EHMT1: variants seen among roughly 807,000 people sequenced by gnomAD.
EHMT1 encodes the protein histone-lysine N-methyltransferase EHMT1.
A neutral mutation model predicts 147.2 loss-of-function variants in EHMT1; 15 were observed. The ratio of observed to expected loss-of-function variants is 0.10; its 90% CI spans 0.07 to 0.16. EHMT1 has a LOEUF of 0.16. Ranked by LOEUF, EHMT1 falls within the 10% of genes least tolerant of loss-of-function variation. The pLI is 1.00. For synonymous variants in EHMT1, 795 were observed against 709.6 expected, an observed-to-expected ratio of 1.12 and a Z score of -1.91; for missense variants, 1,587 against 1,772.4, an observed-to-expected ratio of 0.90 and a Z score of 1.88.
Position 137,732,332 on chromosome 9 carries a change from C to T in EHMT1, c.823+3803C>T, listed in dbSNP as rs1435794740. Among the ~76,000 whole-genome samples, 3 of 152,258 alleles carry T rather than the reference C, an allele frequency of 2.0e-5. No homozygotes were observed. The highest frequency in any genetic ancestry group is 4.4e-5 in the Non-Finnish European group (3 of 68,048). ...TGAACCGGCCAGGAACATGTTACAG[C>T]CCTTTTTGCACCCGCTGTTGCGTGG... On this transcript the variant is annotated intron_variant, in intron 4 of 26. Coordinates refer to ENST00000460843, the MANE Select transcript of EHMT1 (RefSeq NM_024757.5). This position sits in a 1 kb window ranked among gnomAD's most constrained non-coding sequence, Gnocchi z 4.6.
chr9:137,825,122 G>A (rs543713505), intron 25 of EHMT1, among the ~76,000 whole-genome samples: 4 of 152,162 alleles, frequency 2.6e-5, no homozygotes, highest in Non-Finnish European at 4.4e-5. Context: ...GCTGGCAACC[G>A]GGGGTGCTCT....
At chr9:137,636,896 CTT>C (rs35700929) in intron 1 of EHMT1, among the ~76,000 whole-genome samples, 27 of 120,924 alleles carry the variant, frequency 2.2e-4, no homozygotes, top group African/African-American at 3.4e-4. Flanking sequence ...CAGTTTCACT[CTT>C]TTTTTTTTTT....
At chr9:137,630,524 A>G (rs1430554947) in intron 1 of EHMT1, among the ~76,000 whole-genome samples, 1 of 152,198 alleles carries the variant, frequency 6.6e-6, no homozygotes, top group Non-Finnish European at 1.5e-5. Flanking sequence ...AACAAAAATT[A>G]GGCATTTTAG....
At chr9:137,671,531 T>TC (rs1287751345) in intron 1 of EHMT1, among the ~76,000 whole-genome samples, 1 of 148,744 alleles carries the variant, frequency 6.7e-6, no homozygotes, top group Admixed American at 6.7e-5. Context: ...TTTTTTTTTT[T>TC]TTTTTTTTTT....
chr9:137,635,149 C>T (rs1041587429), intron 1 of EHMT1, among the ~76,000 whole-genome samples: 1 of 151,848 alleles, frequency 6.6e-6, no homozygotes, highest in African/African-American at 2.4e-5. Context: ...AATAGCAAGT[C>T]TTCCAATTGG....
intron 4 of EHMT1, among the ~76,000 whole-genome samples, chr9:137,740,977 T>TTG (rs1169428924): frequency 9.7e-6 from 1 of 103,270 alleles, no homozygotes. Context: ...CCCGACATGA[T>TTG]TTTTTTTTTG....
In EHMT1 at chr9:137,816,007, C is replaced by T; in HGVS notation, c.3319C>T (p.His1107Tyr). 1 of 1,613,196 alleles carries T rather than the reference C, an allele frequency of 6.2e-7. No individual in the cohort carries two copies. The highest frequency in any genetic ancestry group is 8.5e-7 in the Non-Finnish European group (1 of 1,179,582). Reference protein sequence around the residue: ...AEPPLIFECNHACSCWRNCRN... With the variant: ...AEPPLIFECNYACSCWRNCRN... The stretch of plus-strand genomic sequence containing the variant: ...GCCTCCCTTGATCTTCGAATGCAAC[C>T]ACGCGTGCTCCTGCTGGAGGAACTG... Residue 1107 changes from histidine to tyrosine, a missense_variant, in exon 23 of 27, where the codon CAC (histidine) becomes TAC (tyrosine). By Grantham distance (83) the His-to-Tyr change is moderately conservative. Transcript: ENST00000460843.
At chr9:137,670,500 C>T (rs188516320) in intron 1 of EHMT1, among the ~76,000 whole-genome samples, 9 of 152,242 alleles carry the variant, frequency 5.9e-5, no homozygotes, top group East Asian at 3.9e-4. Flanking sequence ...TGCCCACGTG[C>T]GAGCTCCGTT....
intron 18 of EHMT1, among the ~76,000 whole-genome samples, chr9:137,803,615 C>G (rs745733919): frequency 4.6e-5 from 7 of 152,066 alleles, no homozygotes; most frequent in African/African-American, 1.7e-4. Context: ...AATACTCATG[C>G]CTTCATTTTT....
chr9:137,711,515 A>G (rs930111176), intron 2 of EHMT1, among the ~76,000 whole-genome samples: 1 of 152,120 alleles, frequency 6.6e-6, no homozygotes, highest in African/African-American at 2.4e-5. Context: ...GCCAGACCCA[A>G]AGGGCCACAA....
chr9:137,802,736 G>C (rs1953603645), intron 18 of EHMT1: 2 of 1,088,322 alleles, frequency 1.8e-6, no homozygotes, highest in South Asian at 9.4e-5. Flanking sequence ...AGGCACGCAG[G>C]CCTCTCTGGA....
chr9:137,663,860 T>C (rs1433309870), intron 1 of EHMT1, among the ~76,000 whole-genome samples: 2 of 152,228 alleles, frequency 1.3e-5, no homozygotes, highest in Non-Finnish European at 2.9e-5. Context: ...CCCTGTGATC[T>C]GGGGAACTTT....
intron 1 of EHMT1, among the ~76,000 whole-genome samples, chr9:137,657,405 G>A (rs1043975766): frequency 6.6e-6 from 1 of 152,074 alleles, no homozygotes; most frequent in African/African-American, 2.4e-5. Context: ...GTGAGAGGCT[G>A]TCGCGCTCGT....
At chr9:137,680,831 C>G (rs147860138) in intron 1 of EHMT1, 3 of 152,300 alleles carry the variant, frequency 2.0e-5, no homozygotes, top group Admixed American at 2.0e-4. Flanking sequence ...CGGACACTTG[C>G]GTGCGAGTTG....
chr9:137,783,980 C>T (rs975265597), intron 15 of EHMT1: 2 of 449,954 alleles, frequency 4.4e-6, no homozygotes, highest in East Asian at 3.2e-5. Flanking sequence ...ACTTTTAGTC[C>T]TTTATTTATA....
At chr9:137,664,741 G>A (rs899075898) in intron 1 of EHMT1, among the ~76,000 whole-genome samples, 4 of 152,144 alleles carry the variant, frequency 2.6e-5, no homozygotes, top group Admixed American at 1.3e-4. Context: ...GAGGTGGAGG[G>A]CAGGATTCTC....
chr9:137,758,384 A>G (rs879430680), intron 9 of EHMT1, among the ~76,000 whole-genome samples: 1 of 152,162 alleles, frequency 6.6e-6, no homozygotes, highest in Non-Finnish European at 1.5e-5. Flanking sequence ...GATTGGCTGA[A>G]ATATGTCCCT....
At chr9:137,766,483 C>T (rs1403034174) in intron 10 of EHMT1, among the ~76,000 whole-genome samples, 6 of 152,092 alleles carry the variant, frequency 3.9e-5, no homozygotes, top group Admixed American at 1.3e-4. Flanking sequence ...CTTGTGGTGG[C>T]GCCTGCCTGT....
chr9:137,721,493 C>T (rs1269549440), intron 3 of EHMT1, among the ~76,000 whole-genome samples: 1 of 84,722 alleles, frequency 1.2e-5, no homozygotes, highest in Non-Finnish European at 2.4e-5. Context: ...ACGCCTCTCA[C>T]CTTCTCACAC....
Sources: allele counts gnomAD v4.1 joint callset (sites outside exome capture counted in the v4.1 genomes callset), GRCh38; gene constraint gnomAD v4.1.1; non-coding constraint Gnocchi (gnomAD v3.1); transcripts MANE v1.5; gene names NCBI Gene and HGNC (gene_info 2026-07-23, HGNC 2026-07-21).